Variants in ITPR2 observed in about 807,000 individuals in gnomAD.
ITPR2 encodes inositol 1,4,5-trisphosphate-gated calcium channel ITPR2.
A neutral mutation model predicts 317.1 loss-of-function variants in ITPR2; 207 were observed. The observed-to-expected ratio is 0.65, with a 90% CI of 0.58 to 0.73. ITPR2 has a LOEUF of 0.73. Among genes scored for constraint, ITPR2 ranks in the 30% least tolerant of loss-of-function variants. The pLI is 0.00. For missense variants in ITPR2, 2,613 were observed against 3,284.0 expected, an observed-to-expected ratio of 0.80 and a Z score of 4.99; for synonymous variants, 1,156 against 1,149.1, an observed-to-expected ratio of 1.01 and a Z score of -0.12.
At chr12:26,377,952 T>C (rs1326839095) in intron 55 of ITPR2, among the ~76,000 whole-genome samples, 1 of 152,134 alleles carries the variant, frequency 6.6e-6, no homozygotes, top group Non-Finnish European at 1.5e-5. Flanking sequence ...CTCCTCAAAA[T>C]CTTCTCGGTG....
At chr12:26,593,500 T>C (rs1467221636) in intron 32 of ITPR2, among the ~76,000 whole-genome samples, 2 of 152,168 alleles carry the variant, frequency 1.3e-5, no homozygotes, top group Non-Finnish European at 2.9e-5. Flanking sequence ...TTTCCTTCCC[T>C]GAAAAAGGAA....
At chr12:26,715,659 T>G in intron 7 of ITPR2, 93 bp downstream of exon 7, 1 of 843,716 alleles carries the variant, frequency 1.2e-6, no homozygotes, top group South Asian at 1.7e-5. Flanking sequence ...TTCTAAATTA[T>G]GAACACCAGT....
At chr12:26,734,045 G>A (rs933739271) in intron 2 of ITPR2, among the ~76,000 whole-genome samples, 2 of 152,084 alleles carry the variant, frequency 1.3e-5, no homozygotes, top group South Asian at 2.1e-4. Flanking sequence ...ATTTACATAT[G>A]AGTATGTACT....
At chr12:26,384,129 G>A (rs901147402) in intron 55 of ITPR2, among the ~76,000 whole-genome samples, 5 of 152,196 alleles carry the variant, frequency 3.3e-5, no homozygotes, top group Non-Finnish European at 5.9e-5. Flanking sequence ...TACCTCAGGA[G>A]CAGAGAAAGA....
intron 1 of ITPR2, among the ~76,000 whole-genome samples, chr12:26,803,844 C>T (rs79531391): frequency 0.031 from 4,756 of 152,084 alleles, 70 homozygotes; most frequent in Non-Finnish European, 0.037. Context: ...AAGAGAACTT[C>T]CCTGGCCAGA....
intron 1 of ITPR2, among the ~76,000 whole-genome samples, chr12:26,795,144 T>C (rs922694616): frequency 6.6e-6 from 1 of 152,228 alleles, no homozygotes; most frequent in African/African-American, 2.4e-5. Context: ...ATTTGTGCCA[T>C]ATCTAGAAAC....
chr12:26,740,655 T>C (rs1412342712), intron 2 of ITPR2, among the ~76,000 whole-genome samples: 1 of 152,160 alleles, frequency 6.6e-6, no homozygotes, highest in African/African-American at 2.4e-5. Context: ...GATACGGAAA[T>C]GGATGTTGTG....
In ITPR2 at chr12:26,599,023, T is replaced by A. The variant is rs1945924925; in HGVS notation, c.4002+122A>T. 4 of 831,268 alleles carry A rather than the reference T, an allele frequency of 4.8e-6. 1 individual carries two copies. 51.5% of individuals were successfully genotyped at this position (831,268 alleles called of 1,614,324 possible). ...GCAAAATATATTTGCACTTGAGTAG[T>A]CATGATTAAATTAAATAATTTTCCA... On this transcript the variant is annotated intron_variant, in intron 30 of 56. Transcript: ENST00000381340.
chr12:26,342,767 GCCCGGCT>G (rs1938175627), intron 55 of ITPR2, among the ~76,000 whole-genome samples: 1 of 152,032 alleles, frequency 6.6e-6, no homozygotes, highest in African/African-American at 2.4e-5. Flanking sequence ...GCGCCACCAT[GCCCGGCT>G]GATTTTGAAT....
chr12:26,816,869 T>TA (rs1004347179), intron 1 of ITPR2, among the ~76,000 whole-genome samples: 4 of 151,480 alleles, frequency 2.6e-5, no homozygotes, highest in African/African-American at 9.7e-5. Flanking sequence ...GAAAAGCACA[T>TA]AAAAAGGCTC....
chr12:26,594,065 T>C (rs1414563827), intron 32 of ITPR2, among the ~76,000 whole-genome samples: 3 of 152,194 alleles, frequency 2.0e-5, no homozygotes, highest in African/African-American at 7.2e-5. Flanking sequence ...TCTCTGGAGA[T>C]ACTATAGCTG....
At chr12:26,392,126 G>A (rs1331471388) in intron 54 of ITPR2, among the ~76,000 whole-genome samples, 1 of 152,110 alleles carries the variant, frequency 6.6e-6, no homozygotes, top group East Asian at 1.9e-4. Context: ...CCCCAGTACT[G>A]ACCTTTCTTC....
intron 55 of ITPR2, among the ~76,000 whole-genome samples, chr12:26,363,123 G>A (rs954467102): frequency 2.6e-5 from 4 of 152,158 alleles, no homozygotes; most frequent in Non-Finnish European, 4.4e-5. Context: ...TTACCCCATC[G>A]CCTGCATTAC....
intron 2 of ITPR2, among the ~76,000 whole-genome samples, chr12:26,731,899 T>C (rs1949034317): frequency 6.6e-6 from 1 of 152,244 alleles, no homozygotes; most frequent in Non-Finnish European, 1.5e-5. Flanking sequence ...TAGGTTGTTT[T>C]CGTTTTTCAG....
At chr12:26,665,875 T>C (rs1947614667) in intron 14 of ITPR2, 35 bp downstream of exon 14, 3 of 1,576,954 alleles carry the variant, frequency 1.9e-6, no homozygotes, top group Non-Finnish European at 1.7e-6. Context: ...ATTCAGAAAA[T>C]AAAATATACA....
At chr12:26,735,412 A>G (rs1369969521) in intron 2 of ITPR2, among the ~76,000 whole-genome samples, 1 of 152,082 alleles carries the variant, frequency 6.6e-6, no homozygotes, top group Admixed American at 6.6e-5. Context: ...AGGGAAGGAC[A>G]AGGGAAACAA....
At chr12:26,431,266 T>G (rs1021910677) in intron 48 of ITPR2, among the ~76,000 whole-genome samples, 2 of 152,188 alleles carry the variant, frequency 1.3e-5, no homozygotes, top group African/African-American at 2.4e-5. Context: ...TATCTTGGTA[T>G]AAGACATTCT....
intron 2 of ITPR2, among the ~76,000 whole-genome samples, chr12:26,758,350 T>C (rs184526836): frequency 6.6e-6 from 1 of 152,378 alleles, no homozygotes; most frequent in Non-Finnish European, 1.5e-5. Context: ...TGTGTGTTAA[T>C]GTTCACTCAT....
At chr12:26,694,009 T>G (rs990573229) in intron 10 of ITPR2, among the ~76,000 whole-genome samples, 2 of 152,138 alleles carry the variant, frequency 1.3e-5, no homozygotes, top group African/African-American at 4.8e-5. Flanking sequence ...TTAATGGTGG[T>G]GCTAGAACAA....
Sources: gnomAD v4.1 joint callset for allele counts (sites outside exome capture counted in the v4.1 genomes callset) on GRCh38, gnomAD v4.1.1 for gene constraint, MANE v1.5 for transcripts, NCBI Gene and HGNC (gene_info 2026-07-23, HGNC 2026-07-21) for gene names.